The following TXNRD2 variants were observed in gnomAD, a reference collection of about 807,000 sequenced individuals.
TXNRD2 encodes thioredoxin reductase 2, also known as thioredoxin reductase 2, mitochondrial.
In TXNRD2, 67 loss-of-function variants were observed where a neutral mutation model predicts 70.8. The ratio of observed to expected loss-of-function variants is 0.95; its 90% CI spans 0.78 to 1.16. The LOEUF is 1.16. TXNRD2 is among the 50% of genes most tolerant of loss of function. The pLI is 0.00. For synonymous variants in TXNRD2, 301 were observed against 295.8 expected, an observed-to-expected ratio of 1.02 and a Z score of -0.18; for missense variants, 644 against 719.9, an observed-to-expected ratio of 0.89 and a Z score of 1.21.
At chr22:19,894,768 T>G (rs1939419083) in intron 11 of TXNRD2, 1 of 294,072 alleles carries the variant, frequency 3.4e-6, no homozygotes, top group Non-Finnish European at 6.5e-6. Context: ...GGCAGGTGGA[T>G]CACAAGGTCA....
intron 1 of TXNRD2, 189 bp downstream of exon 1, chr22:19,941,512 G>T: frequency 9.6e-7 from 1 of 1,037,198 alleles, no homozygotes; most frequent in Non-Finnish European, 1.3e-6. Flanking sequence ...TCCCCACCTG[G>T]GAAGGGGGCT....
intron 7 of TXNRD2, among the ~76,000 whole-genome samples, chr22:19,914,298 G>C (rs1358093312): frequency 1.3e-5 from 2 of 152,220 alleles, no homozygotes; most frequent in Admixed American, 6.5e-5. Context: ...CTTCTTTGCA[G>C]ATGTTCACAG....
intron 12 of TXNRD2, chr22:19,880,932 C>T: frequency 1.7e-6 from 1 of 598,182 alleles, no homozygotes; most frequent in Non-Finnish European, 3.0e-6. Flanking sequence ...CTGTTTGCTG[C>T]CCTCCACTCT....
At chr22:19,881,400 GGCGGGCGGCGCACA>G in intron 12 of TXNRD2, 1 of 250,200 alleles carries the variant, frequency 4.0e-6, no homozygotes, top group Non-Finnish European at 7.1e-6. Context: ...GAAACATCCC[GGCGGGCGGCGCACA>G]GCACACAACA....
In TXNRD2 at chr22:19,901,251, C is replaced by T. The variant is rs946384760; in HGVS notation, c.663-2183G>A. ...CCCTCCCTCGGAGTCCCCCAGTGCC[C>T]GGGCCTCCTGTCCTGGCACCCACGG... On this transcript the variant is annotated intron_variant, in intron 8 of 17. Transcript: ENST00000400521. Among the ~76,000 whole-genome samples the T allele has an allele frequency of 4.6e-5, 7 of 152,206 alleles. No individual in the cohort carries two copies. In the South Asian group the frequency reaches 6.2e-4, roughly 13 times the overall value.
intron 11 of TXNRD2, among the ~76,000 whole-genome samples, chr22:19,889,536 G>A (rs1299116936): frequency 2.0e-5 from 3 of 152,190 alleles, no homozygotes; most frequent in African/African-American, 7.2e-5. Context: ...GCTTGAATTC[G>A]GGAGGTGGAG....
intron 11 of TXNRD2, among the ~76,000 whole-genome samples, chr22:19,887,011 C>T (rs184712154): frequency 5.4e-4 from 82 of 152,332 alleles, no homozygotes; most frequent in African/African-American, 1.8e-3. Context: ...CTGGGGCAGG[C>T]GGCGCACAGC....
At chr22:19,901,381 A>T (rs571532187) in intron 8 of TXNRD2, among the ~76,000 whole-genome samples, 1 of 152,228 alleles carries the variant, frequency 6.6e-6, no homozygotes, top group African/African-American at 2.4e-5. Context: ...AGCTAGGAGG[A>T]GGTGGGTGCA....
intron 7 of TXNRD2, among the ~76,000 whole-genome samples, chr22:19,912,750 C>G (rs1159409594): frequency 2.6e-5 from 4 of 152,258 alleles, no homozygotes; most frequent in South Asian, 2.1e-4. Flanking sequence ...CCTCTAGAGG[C>G]TGCTGTGGCT....
intron 12 of TXNRD2, among the ~76,000 whole-genome samples, chr22:19,883,045 C>T (rs1419073050): frequency 6.6e-6 from 1 of 152,284 alleles, no homozygotes. Flanking sequence ...AGAGCTGACC[C>T]ATGCCCCATT....
intron 10 of TXNRD2, among the ~76,000 whole-genome samples, chr22:19,897,269 ACCT>A (rs1304195390): frequency 6.6e-6 from 1 of 151,674 alleles, no homozygotes; most frequent in Non-Finnish European, 1.5e-5. Context: ...ACCTCAGGTG[ACCT>A]CCTCAGGCTC....
At position 19,877,097 on chromosome 22, in the gene TXNRD2, G is replaced by C; in HGVS notation, c.*8C>G. On this transcript the variant is annotated 3_prime_UTR_variant, in exon 17 of 18. Transcript: ENST00000400521. ...CGCACCGTGTGCCCTGGCCTGCAGG[G>C]ATGGCGCTTACCCTCAGCAGCCTGT... 1 of 1,593,728 alleles carries C rather than the reference G, an allele frequency of 6.3e-7. No homozygotes were observed. Among genetic ancestry groups the C allele is most frequent in the African/African-American group, 1.3e-5 (1 of 74,630 alleles).
intron 2 of TXNRD2, among the ~76,000 whole-genome samples, chr22:19,927,065 G>T (rs1941173263): frequency 6.6e-6 from 1 of 152,080 alleles, no homozygotes; most frequent in Non-Finnish European, 1.5e-5. Context: ...AGGCCAAGGT[G>T]GGCGGATCAC....
intron 11 of TXNRD2, among the ~76,000 whole-genome samples, chr22:19,893,673 C>T (rs1336421886): frequency 2.0e-5 from 3 of 152,280 alleles, no homozygotes; most frequent in East Asian, 3.8e-4. Flanking sequence ...ACCGGACCTA[C>T]ACCTGACAGA....
intron 4 of TXNRD2, 77 bp downstream of exon 4, chr22:19,918,783 C>T (rs3747067): frequency 2.5e-6 from 4 of 1,572,994 alleles, no homozygotes; most frequent in South Asian, 1.1e-5. Context: ...GAGGGCTCAT[C>T]GAGGATAAGC....
At chr22:19,924,060 G>A (rs1480787963) in intron 2 of TXNRD2, among the ~76,000 whole-genome samples, 1 of 151,728 alleles carries the variant, frequency 6.6e-6, no homozygotes, top group Non-Finnish European at 1.5e-5. Context: ...GTGTGCAGCG[G>A]TGCGATCACA....
rs917431888 is a variant in TXNRD2 at position 19,941,688 on chromosome 22, G to A, written c.103+13C>T. On this transcript the variant is annotated intron_variant, in intron 1 of 17. Transcript: ENST00000400521. ...CGGACACCTACCGCGGGGACGCCCC[G>A]ACCCCATCCTACCTGCTGCGCCCCG... is the stretch of plus-strand genomic sequence containing the variant. 3.0e-5 allele frequency: 45 copies of A among 1,477,186 alleles called. No homozygotes were observed. The Admixed American group carries it at 9.4e-4, about 31-fold the overall frequency. The allele number at this position is 1,477,186 out of a possible 1,614,324, so 91.5% of individuals were successfully genotyped here.
intron 2 of TXNRD2, among the ~76,000 whole-genome samples, chr22:19,925,086 C>T (rs56159572): frequency 3.3e-5 from 5 of 151,376 alleles, no homozygotes; most frequent in South Asian, 2.1e-4. Context: ...AGATCGAGAC[C>T]ATCCTGGCTA....
intron 13 of TXNRD2, 80 bp from the exon 14 acceptor site, chr22:19,880,351 G>A (rs1035612348): frequency 7.0e-7 from 1 of 1,429,666 alleles, no homozygotes; most frequent in African/African-American, 1.4e-5. Flanking sequence ...ACAAAGAGCA[G>A]CGATCACAGA....
Sources: allele counts gnomAD v4.1 joint callset (sites outside exome capture counted in the v4.1 genomes callset), GRCh38; gene constraint gnomAD v4.1.1; transcripts MANE v1.5; gene names NCBI Gene and HGNC (gene_info 2026-07-23, HGNC 2026-07-21).